Variants in DOCK4 observed in about 807,000 individuals in gnomAD.
DOCK4 encodes the protein dedicator of cytokinesis protein 4.
Under a neutral mutation model 268.1 loss-of-function variants are expected in DOCK4, and 97 were observed. That is an observed-to-expected ratio of 0.36 (90% CI 0.31 to 0.43). The LOEUF (loss-of-function observed/expected upper bound fraction) is 0.43, where lower values mean the gene tolerates loss of function less well. Ranked by LOEUF, DOCK4 falls within the 20% of genes least tolerant of loss-of-function variation. The pLI is 1.00. For synonymous variants in DOCK4, 954 were observed against 887.2 expected (o/e 1.08, Z -1.34); for missense variants, 2,145 against 2,455.7 (o/e 0.87, Z 2.67).
At chr7:111,926,569 G>A (rs945540544) in intron 12 of DOCK4, among the ~76,000 whole-genome samples, 1 of 141,246 alleles carries the variant, frequency 7.1e-6, no homozygotes, top group Non-Finnish European at 1.5e-5. Flanking sequence ...AAGGAAGCAG[G>A]GCGGGCGGGC....
intron 25 of DOCK4, among the ~76,000 whole-genome samples, chr7:111,835,759 A>C (rs1355247847): frequency 6.6e-6 from 1 of 152,180 alleles, no homozygotes; most frequent in Non-Finnish European, 1.5e-5. Context: ...AGCCCTGAGA[A>C]GGGAATTTTT....
intron 8 of DOCK4, among the ~76,000 whole-genome samples, chr7:111,972,441 G>C (rs1309582600): frequency 6.6e-6 from 1 of 152,100 alleles, no homozygotes; most frequent in Admixed American, 6.6e-5. Flanking sequence ...ACAGAGTATG[G>C]CAGATGGTTA....
At chr7:112,087,926 C>G (rs1036347740) in intron 1 of DOCK4, among the ~76,000 whole-genome samples, 8 of 152,194 alleles carry the variant, frequency 5.3e-5, no homozygotes, top group African/African-American at 1.9e-4. Context: ...ATTACTACTC[C>G]AACACAAGGT....
Position 111,901,782 on chromosome 7 carries a change from T to G in DOCK4, c.1212A>C (p.Leu404Phe). ...IIMPGEMRND[L>F]YITIERGEFE... ...ATTCTCCCCTTTCAATAGTGATATA[T>G]AAATCATTCCTCATTTCACCTATAA... The change falls in exon 14 of 53, where the codon TTA becomes TTC. Residue 404 changes from leucine to phenylalanine, a missense_variant. Leu to Phe is a conservative substitution (Grantham distance 22, BLOSUM62 0). Transcript: ENST00000428084. 2 of 1,583,648 alleles carry G rather than the reference T, an allele frequency of 1.3e-6. No homozygotes were observed. The highest frequency in any genetic ancestry group is 2.7e-5 in the African/African-American group (2 of 74,446).
intron 1 of DOCK4, among the ~76,000 whole-genome samples, chr7:112,049,107 C>T (rs1255009077): frequency 6.6e-6 from 1 of 152,052 alleles, no homozygotes; most frequent in Non-Finnish European, 1.5e-5. Flanking sequence ...CACCAGAAGT[C>T]GTAATTACAT....
At chr7:112,039,120 T>G (rs1299802966) in intron 1 of DOCK4, among the ~76,000 whole-genome samples, 1 of 152,192 alleles carries the variant, frequency 6.6e-6, no homozygotes, top group African/African-American at 2.4e-5. Flanking sequence ...TTATATTGTT[T>G]CCGGCTCAGT....
rs377501068 is a variant in DOCK4 at position 111,964,304 on chromosome 7, T to C, written c.701+12828A>G. On this transcript the variant is annotated intron_variant, in intron 8 of 52. Transcript: ENST00000428084. ...CCAAAGGCAAAGAAGTTGAAAACTT[T>C]GAAAAAAATTTAGAAGAATGTATAA... 8.7e-3 allele frequency among the ~76,000 whole-genome samples: 748 copies of C among 86,398 alleles called. 1 individual carries two copies. Among genetic ancestry groups the C allele is most frequent in the East Asian group, 0.033 (70 of 2,094 alleles). The allele number at this position is 86,398 out of a possible 152,430, so 56.7% of individuals were successfully genotyped here.
Position 111,728,247 on chromosome 7 carries a change from T to C in DOCK4, c.*27A>G, listed in dbSNP as rs1367309424. 3 of 1,444,192 alleles carry C rather than the reference T, an allele frequency of 2.1e-6. No homozygotes were observed. The allele number at this position is 1,444,192 out of a possible 1,614,324, so 89.5% of individuals were successfully genotyped here. A position where few individuals can be genotyped will look rare whatever the true frequency, so the allele number is the denominator to read the frequency against. On this transcript the variant is annotated 3_prime_UTR_variant, in exon 53 of 53. Coordinates refer to ENST00000428084, the MANE Select transcript of DOCK4 (RefSeq NM_001363540.2). ...TCTTATTTTGTAAACGGGCAAAGAA[T>C]GCATCGCAGGTACATAGAAAAGTGA...
At chr7:112,081,839 T>C (rs1808614588) in intron 1 of DOCK4, among the ~76,000 whole-genome samples, 1 of 152,156 alleles carries the variant, frequency 6.6e-6, no homozygotes. Flanking sequence ...ATCTAAGGTA[T>C]CACAGTATAA....
Position 112,205,355 on chromosome 7 carries a change from C to T in DOCK4, c.37+747G>A, listed in dbSNP as rs150499506. Among the ~76,000 whole-genome samples the T allele has an allele frequency of 5.9e-3, 892 of 152,238 alleles. 8 individuals are homozygous for T. The highest frequency in any genetic ancestry group is 0.02 in the African/African-American group (837 of 41,530). On this transcript the variant is annotated intron_variant, in intron 1 of 52. Coordinates refer to ENST00000428084, the MANE Select transcript of DOCK4 (RefSeq NM_001363540.2). ...ACTCAGCAGCCCTGTACCGCCACAC[C>T]GCCCCCACTGCGCTCACCCGGGGTC... is the stretch of plus-strand genomic sequence containing the variant.
intron 8 of DOCK4, among the ~76,000 whole-genome samples, chr7:111,946,801 C>T (rs551275817): frequency 3.9e-5 from 6 of 152,270 alleles, no homozygotes; most frequent in South Asian, 2.1e-4. Context: ...AGGCTGGTCT[C>T]GAACTCCTGG....
intron 8 of DOCK4, among the ~76,000 whole-genome samples, chr7:111,947,286 T>G (rs1304313204): frequency 1.3e-5 from 2 of 152,208 alleles, no homozygotes; most frequent in African/African-American, 4.8e-5. Context: ...AGCACATGAA[T>G]TTGAATTTAT....
At chr7:111,759,729 A>C (rs576842101) in intron 40 of DOCK4, among the ~76,000 whole-genome samples, 1 of 140,978 alleles carries the variant, frequency 7.1e-6, no homozygotes, top group South Asian at 2.2e-4. Context: ...AAAAGCCCCC[A>C]AAAGATACTG....
At chr7:112,089,408 C>A (rs911122290) in intron 1 of DOCK4, among the ~76,000 whole-genome samples, 4 of 152,180 alleles carry the variant, frequency 2.6e-5, no homozygotes, top group Admixed American at 6.5e-5. Flanking sequence ...CCATCACCAA[C>A]AAATCACCCA....
chr7:111,739,074 A>G, intron 49 of DOCK4, 60 bp downstream of exon 49: 5 of 1,450,626 alleles, frequency 3.4e-6, no homozygotes, highest in Non-Finnish European at 4.8e-6. Context: ...TTCTGCAGAG[A>G]TAGGTAAGCA....
Position 112,081,269 on chromosome 7 carries a change from G to A in DOCK4, c.38-77138C>T, listed in dbSNP as rs138937664. ...ACAGAATGCAGGCAAGCATGACTCC[G>A]TTTCCACATGACAGCTACTTCTCAG... On this transcript the variant is annotated intron_variant, in intron 1 of 52. Coordinates refer to ENST00000428084, the MANE Select transcript of DOCK4 (RefSeq NM_001363540.2). 2.3e-3 allele frequency among the ~76,000 whole-genome samples: 344 copies of A among 152,240 alleles called. 1 individual carries two copies. The highest frequency in any genetic ancestry group is 7.7e-3 in the African/African-American group (319 of 41,556).
intron 1 of DOCK4, among the ~76,000 whole-genome samples, chr7:112,026,245 C>T (rs780128271): frequency 1.8e-4 from 28 of 152,210 alleles, no homozygotes; most frequent in Non-Finnish European, 2.1e-4. Flanking sequence ...GCCTGAGCTC[C>T]GCCTCCTGTC....
At chr7:112,071,344 C>G (rs1012725680) in intron 1 of DOCK4, among the ~76,000 whole-genome samples, 47 of 151,998 alleles carry the variant, frequency 3.1e-4, no homozygotes, top group African/African-American at 1.1e-3. Context: ...TCAGACTTTT[C>G]CCTCATGTAT....
rs929370390 is a variant in DOCK4 at position 111,951,510 on chromosome 7, C to T, written c.702-5712G>A. Among the ~76,000 whole-genome samples, 14 of 151,922 alleles carry T rather than the reference C, an allele frequency of 9.2e-5. 1 individual carries two copies. The highest frequency in any genetic ancestry group is 2.4e-4 in the African/African-American group (10 of 41,358). On this transcript the variant is annotated intron_variant, in intron 8 of 52. Transcript: ENST00000428084. ...CTCTCTTTGAAAGAACAGGGCACCT[C>T]AGAGCACCAAAGAAGGCATGGTATG...
Sources: allele counts gnomAD v4.1 joint callset (sites outside exome capture counted in the v4.1 genomes callset), GRCh38; gene constraint gnomAD v4.1.1; transcripts MANE v1.5; gene names NCBI Gene and HGNC (gene_info 2026-07-23, HGNC 2026-07-21).